KIFAP3: variants seen among roughly 807,000 people sequenced by gnomAD.
KIFAP3 encodes the protein kinesin associated protein 3.
Under a neutral mutation model 106.5 loss-of-function variants are expected in KIFAP3, and 68 were observed. The ratio of observed to expected loss-of-function variants is 0.64; its 90% CI spans 0.53 to 0.78. The LOEUF is 0.78. Among genes scored for constraint, KIFAP3 ranks in the 30% least tolerant of loss-of-function variants. The probability of loss-of-function intolerance (pLI) is 0.00; values close to 1 mark genes in which losing one functional copy is unlikely to be tolerated. For missense variants in KIFAP3, 780 were observed against 941.8 expected, an observed-to-expected ratio of 0.83 and a Z score of 2.25; for synonymous variants, 320 against 311.5, an observed-to-expected ratio of 1.03 and a Z score of -0.29.
chr1:169,936,270 C>T (rs1257421538), intron 19 of KIFAP3, among the ~76,000 whole-genome samples: 1 of 151,702 alleles, frequency 6.6e-6, no homozygotes, highest in Non-Finnish European at 1.5e-5. Context: ...AAAACTTTCA[C>T]CCATGAGATG....
At chr1:169,985,662 C>T (rs1218622765) in intron 11 of KIFAP3, among the ~76,000 whole-genome samples, 1 of 151,842 alleles carries the variant, frequency 6.6e-6, no homozygotes, top group Non-Finnish European at 1.5e-5. Flanking sequence ...GAAGAAATGT[C>T]TGGACTAGAG....
At chr1:169,969,385 C>T (rs776595668) in intron 17 of KIFAP3, among the ~76,000 whole-genome samples, 21 of 151,986 alleles carry the variant, frequency 1.4e-4, no homozygotes, top group Non-Finnish European at 2.9e-4. Context: ...GTTATCTTTG[C>T]AGAGACCATA....
chr1:169,928,954 G>C (rs2145046), intron 19 of KIFAP3, among the ~76,000 whole-genome samples: 142,237 of 152,094 alleles, frequency 0.94, 66,596 homozygotes, highest in East Asian at 0.99. Context: ...TTGGAAAAGA[G>C]AATATTTTCT....
intron 1 of KIFAP3, among the ~76,000 whole-genome samples, chr1:170,072,435 G>A (rs1671749572): frequency 6.6e-6 from 1 of 152,140 alleles, no homozygotes; most frequent in African/African-American, 2.4e-5. Flanking sequence ...TGGATTGTGA[G>A]GTGGGAAAGG....
chr1:169,932,899 T>C (rs1388316006), intron 19 of KIFAP3, among the ~76,000 whole-genome samples: 3 of 152,004 alleles, frequency 2.0e-5, no homozygotes, highest in Non-Finnish European at 4.4e-5. Flanking sequence ...ATTTATTTCA[T>C]AATCTACTTA....
At chr1:170,016,391 A>G in intron 10 of KIFAP3, 71 bp downstream of exon 10, 1 of 1,260,378 alleles carries the variant, frequency 7.9e-7, no homozygotes, top group South Asian at 1.4e-5. Context: ...AGGCTTTTCA[A>G]CACAGAGCTC....
At chr1:170,051,366 G>A (rs1670567678) in intron 2 of KIFAP3, among the ~76,000 whole-genome samples, 1 of 151,958 alleles carries the variant, frequency 6.6e-6, no homozygotes, top group African/African-American at 2.4e-5. Context: ...ACACTACAAA[G>A]AGACTTAGAT....
chr1:169,958,369 G>A (rs1365178096), intron 18 of KIFAP3: 2 of 152,186 alleles, frequency 1.3e-5, no homozygotes, highest in Non-Finnish European at 2.9e-5. Context: ...TGGCATTAGA[G>A]CTGTGAGCCA....
chr1:170,048,704 G>GTA (rs1670406618), intron 2 of KIFAP3, among the ~76,000 whole-genome samples: 1 of 151,650 alleles, frequency 6.6e-6, no homozygotes, highest in South Asian at 2.1e-4. Flanking sequence ...GAAGCGGGGT[G>GTA]GCGGGGGCGT....
chr1:170,060,063 A>C (rs927400848), intron 1 of KIFAP3, among the ~76,000 whole-genome samples: 1 of 152,294 alleles, frequency 6.6e-6, no homozygotes, highest in East Asian at 1.9e-4. Context: ...CAATATCATA[A>C]TGAATGGGCA....
At position 169,984,475 on chromosome 1, in the gene KIFAP3, A is replaced by T. The variant is rs868600268; in HGVS notation, c.1393+107T>A. 28 of 484,788 alleles carry T rather than the reference A, an allele frequency of 5.8e-5. No individual in the cohort carries two copies. The South Asian group carries it at 8.8e-4, about 15-fold the overall frequency. 30.0% of individuals were successfully genotyped at this position (484,788 alleles called of 1,614,324 possible). ...TAGCTATAATGAAGAAATTATTTGA[A>T]AACAGGACTTACATAATCATTATAA... On this transcript the variant is annotated intron_variant, in intron 12 of 19. Coordinates refer to ENST00000361580, the MANE Select transcript of KIFAP3 (RefSeq NM_014970.4).
At chr1:170,030,210 T>C (rs1431497000) in intron 8 of KIFAP3, among the ~76,000 whole-genome samples, 3 of 151,778 alleles carry the variant, frequency 2.0e-5, no homozygotes, top group African/African-American at 7.2e-5. Flanking sequence ...AATGCTTATA[T>C]CCAAAACATA....
chr1:170,023,188 T>C (rs1668940240), intron 9 of KIFAP3, among the ~76,000 whole-genome samples: 2 of 152,020 alleles, frequency 1.3e-5, no homozygotes, highest in Admixed American at 1.3e-4. Flanking sequence ...CATAAATATA[T>C]ACTGATAATG....
chr1:170,015,243 T>A lies in KIFAP3; in HGVS notation c.1183+1219A>T, dbSNP rs553626785. On this transcript the variant is annotated intron_variant, in intron 10 of 19. Coordinates refer to ENST00000361580, the MANE Select transcript of KIFAP3 (RefSeq NM_014970.4). The stretch of plus-strand genomic sequence containing the variant: ...GAAACTGAACAAACCAAATAGACTA[T>A]GAATTCCTTCAGGCCAATGGCTGTA... Among the ~76,000 whole-genome samples, 8 of 152,286 alleles carry A rather than the reference T, an allele frequency of 5.3e-5. 1 individual carries two copies. In the South Asian group the frequency reaches 1.7e-3, roughly 32 times the overall value.
intron 1 of KIFAP3, among the ~76,000 whole-genome samples, chr1:170,070,683 A>G (rs1671664943): frequency 6.6e-6 from 1 of 152,188 alleles, no homozygotes; most frequent in South Asian, 2.1e-4. Context: ...TGGATCAAGG[A>G]TATTAAATGT....
At chr1:169,999,279 C>G (rs541896) in intron 10 of KIFAP3, among the ~76,000 whole-genome samples, 35,958 of 152,036 alleles carry the variant, frequency 0.24, 4,700 homozygotes, top group Non-Finnish European at 0.3. Flanking sequence ...ATGATTTTCT[C>G]GTAAGAATTC....
At chr1:169,976,185 A>G (rs921158574) in intron 16 of KIFAP3, among the ~76,000 whole-genome samples, 4 of 152,194 alleles carry the variant, frequency 2.6e-5, no homozygotes, top group Non-Finnish European at 4.4e-5. Context: ...AAAAAACCCT[A>G]TGAGATGACC....
At chr1:170,055,224 G>T in intron 2 of KIFAP3, 81 bp downstream of exon 2, 1 of 1,262,676 alleles carries the variant, frequency 7.9e-7, no homozygotes. Context: ...AATCACCTAT[G>T]CTGATCAAAA....
intron 1 of KIFAP3, chr1:170,068,982 G>C (rs993116252): frequency 6.6e-6 from 1 of 151,964 alleles, no homozygotes; most frequent in African/African-American, 2.4e-5. Flanking sequence ...AAAACTTTTA[G>C]TTAGACTGAC....
Sources: allele counts gnomAD v4.1 joint callset (sites outside exome capture counted in the v4.1 genomes callset), GRCh38; gene constraint gnomAD v4.1.1; transcripts MANE v1.5; gene names NCBI Gene and HGNC (gene_info 2026-07-23, HGNC 2026-07-21).